Variants in CSMD1 observed in about 807,000 individuals in gnomAD.
CSMD1 encodes CUB and sushi domain-containing protein 1.
CSMD1 carries 213 observed loss-of-function variants against 417.5 expected under a neutral mutation model. The ratio of observed to expected loss-of-function variants is 0.51; its 90% CI spans 0.46 to 0.57. The LOEUF (loss-of-function observed/expected upper bound fraction) is 0.57. Among genes scored for constraint, CSMD1 ranks in the 20% least tolerant of loss-of-function variants. The pLI, the probability that CSMD1 is intolerant of heterozygous loss-of-function variation, is 0.00. For missense variants in CSMD1, 6,923 were observed against 4,529.7 expected (o/e 1.53, Z -15.17); for synonymous variants, 2,862 against 1,736.8 (o/e 1.65, Z -16.11).
intron 5 of CSMD1, among the ~76,000 whole-genome samples, chr8:3,887,699 C>G (rs1585143097): frequency 6.6e-6 from 1 of 152,154 alleles, no homozygotes; most frequent in Admixed American, 6.5e-5. Context: ...ACAGAGGTCA[C>G]AGGTTTGGAA....
intron 1 of CSMD1, among the ~76,000 whole-genome samples, chr8:4,988,897 T>C (rs1289866884): frequency 6.6e-6 from 1 of 152,100 alleles, no homozygotes; most frequent in Admixed American, 6.5e-5. Flanking sequence ...GGCTCAATTA[T>C]ACAATGTCCT....
At chr8:4,781,469 G>C (rs1003223515) in intron 1 of CSMD1, among the ~76,000 whole-genome samples, 1 of 152,144 alleles carries the variant, frequency 6.6e-6, no homozygotes. Flanking sequence ...TTAGCATGGA[G>C]GCAACATAAT....
intron 10 of CSMD1, among the ~76,000 whole-genome samples, chr8:3,507,881 G>C (rs940501158): frequency 1.3e-5 from 2 of 151,370 alleles, no homozygotes; most frequent in African/African-American, 4.8e-5. Flanking sequence ...AAATTTGTTT[G>C]AGTTCATTGT....
chr8:3,108,749 C>G lies in CSMD1; in HGVS notation c.6609-1G>C. ...GGGTGAGTTCTGATCGGGACCGTCC[C>G]TAGGAAAGACAGAAAGAGGTGGCTG... On this transcript the variant is annotated splice_acceptor_variant, in intron 43 of 69. Coordinates refer to ENST00000635120, the MANE Select transcript of CSMD1 (RefSeq NM_033225.6). LOFTEE classifies it high-confidence loss of function. The G allele has an allele frequency of 6.2e-7, 1 of 1,607,136 alleles. No individual in the cohort carries two copies. The highest frequency in any genetic ancestry group is 8.5e-7 in the Non-Finnish European group (1 of 1,176,420).
At chr8:3,393,246 T>C (rs1015559999) in intron 17 of CSMD1, among the ~76,000 whole-genome samples, 1 of 152,190 alleles carries the variant, frequency 6.6e-6, no homozygotes, top group Non-Finnish European at 1.5e-5. Flanking sequence ...GAAGTCACAG[T>C]GCTGGAAAGT....
At chr8:4,979,430 C>T (rs1810751166) in intron 1 of CSMD1, among the ~76,000 whole-genome samples, 2 of 152,068 alleles carry the variant, frequency 1.3e-5, no homozygotes, top group African/African-American at 4.8e-5. Context: ...GGAACTCGAG[C>T]TTACTTAGCC....
At chr8:3,797,141 A>G (rs1019560165) in intron 5 of CSMD1, among the ~76,000 whole-genome samples, 1 of 151,980 alleles carries the variant, frequency 6.6e-6, no homozygotes, top group Non-Finnish European at 1.5e-5. Context: ...CTAATAAAAT[A>G]CAGTCAACAT....
chr8:4,651,230 G>A (rs1055807225), intron 1 of CSMD1, among the ~76,000 whole-genome samples: 6 of 152,094 alleles, frequency 3.9e-5, no homozygotes, highest in African/African-American at 1.4e-4. Context: ...TAAATACCTG[G>A]CAAACAGCAA....
chr8:4,084,596 G>C (rs567798334), intron 3 of CSMD1, among the ~76,000 whole-genome samples: 18 of 152,274 alleles, frequency 1.2e-4, no homozygotes, highest in African/African-American at 2.4e-4. Context: ...TGTTGGGAGA[G>C]AGAAAATGAA....
At chr8:3,052,336 T>C in intron 50 of CSMD1, 126 bp downstream of exon 50, 1 of 651,962 alleles carries the variant, frequency 1.5e-6, no homozygotes, top group Non-Finnish European at 2.6e-6. Flanking sequence ...ATTGCTATGA[T>C]GAAAGACACC....
chr8:4,925,714 T>A (rs576223772), intron 1 of CSMD1, among the ~76,000 whole-genome samples: 10 of 151,458 alleles, frequency 6.6e-5, no homozygotes, highest in African/African-American at 2.4e-4. Context: ...GCAGGGCTAA[T>A]TTTTTTGTAT....
chr8:4,559,457 A>T (rs1345788475), intron 2 of CSMD1, among the ~76,000 whole-genome samples: 2 of 152,340 alleles, frequency 1.3e-5, no homozygotes, highest in African/African-American at 4.8e-5. Flanking sequence ...GTTAAAATAT[A>T]TAACCATGGA....
intron 26 of CSMD1, chr8:3,278,293 G>A (rs565327499): frequency 6.6e-6 from 1 of 152,276 alleles, no homozygotes; most frequent in Admixed American, 6.5e-5. Context: ...TTTTTAAAAT[G>A]TACTTCAAAG....
chr8:4,602,619 G>C (rs771624814), intron 2 of CSMD1, among the ~76,000 whole-genome samples: 23 of 152,192 alleles, frequency 1.5e-4, no homozygotes, highest in African/African-American at 5.1e-4. Context: ...ATTCAAAGAA[G>C]TTTGAAGGCG....
chr8:3,728,141 G>C (rs1182341140), intron 6 of CSMD1, among the ~76,000 whole-genome samples: 10 of 152,142 alleles, frequency 6.6e-5, no homozygotes, highest in African/African-American at 2.4e-4. Context: ...GGGACCCAGT[G>C]GGAGATAAAT....
intron 7 of CSMD1, among the ~76,000 whole-genome samples, chr8:3,665,448 G>A (rs376303852): frequency 2.0e-5 from 3 of 152,160 alleles, no homozygotes; most frequent in East Asian, 1.9e-4. Flanking sequence ...AGAATTGCTT[G>A]AACCCGGGAG....
intron 26 of CSMD1, among the ~76,000 whole-genome samples, chr8:3,237,999 C>T (rs557943393): frequency 6.6e-6 from 1 of 150,878 alleles, no homozygotes; most frequent in South Asian, 2.1e-4. Flanking sequence ...ATTTCACTCG[C>T]GTCCGTGTGA....
At chr8:3,204,739 C>T (rs1037864863) in intron 31 of CSMD1, among the ~76,000 whole-genome samples, 1 of 152,174 alleles carries the variant, frequency 6.6e-6, no homozygotes, top group Non-Finnish European at 1.5e-5. Flanking sequence ...AGAGTGAGTG[C>T]TGTCTCAGAC....
At chr8:3,670,925 T>C (rs188816479) in intron 7 of CSMD1, among the ~76,000 whole-genome samples, 2 of 147,420 alleles carry the variant, frequency 1.4e-5, no homozygotes, top group South Asian at 2.2e-4. Flanking sequence ...TATATATGTA[T>C]ATGGGATATA....
Sources: allele counts gnomAD v4.1 joint callset (sites outside exome capture counted in the v4.1 genomes callset), GRCh38; gene constraint gnomAD v4.1.1; transcripts MANE v1.5; gene names NCBI Gene and HGNC (gene_info 2026-07-23, HGNC 2026-07-21).